AFF3: variants seen among roughly 807,000 people sequenced by gnomAD.
AFF3 encodes ALF transcription elongation factor 3.
In AFF3, 32 loss-of-function variants were observed where a neutral mutation model predicts 129.7. That is an observed-to-expected ratio of 0.25 (90% CI 0.19 to 0.33). The LOEUF (loss-of-function observed/expected upper bound fraction) is 0.33, where lower values mean the gene tolerates loss of function less well. Among genes scored for constraint, AFF3 ranks in the 10% least tolerant of loss-of-function variants. The pLI is 1.00. For synonymous variants in AFF3, 644 were observed against 635.4 expected (o/e 1.01, Z -0.20); for missense variants, 1,373 against 1,592.0 (o/e 0.86, Z 2.34).
intron 12 of AFF3, among the ~76,000 whole-genome samples, chr2:99,651,848 T>C (rs1461771224): frequency 6.6e-6 from 1 of 152,108 alleles, no homozygotes; most frequent in Admixed American, 6.6e-5. Flanking sequence ...AAAAGTCACC[T>C]CAGAACCATT....
intron 8 of AFF3, among the ~76,000 whole-genome samples, chr2:99,828,528 C>G (rs1205722653): frequency 6.6e-6 from 1 of 152,150 alleles, no homozygotes; most frequent in Non-Finnish European, 1.5e-5. Flanking sequence ...CAAGCACGAA[C>G]GTGTAGCGAG....
chr2:100,121,834 G>A (rs564480095), intron 2 of AFF3, among the ~76,000 whole-genome samples: 46 of 151,866 alleles, frequency 3.0e-4, no homozygotes, highest in Non-Finnish European at 5.2e-4. Flanking sequence ...AGGCCGAGGC[G>A]GGTGGATCAT....
chr2:99,692,764 G>A (rs1279772348), intron 11 of AFF3, among the ~76,000 whole-genome samples: 1 of 152,174 alleles, frequency 6.6e-6, no homozygotes, highest in African/African-American at 2.4e-5. Context: ...CCAGACTTCT[G>A]GACTGAGATG....
At chr2:99,849,935 C>T (rs1361786151) in intron 7 of AFF3, among the ~76,000 whole-genome samples, 3 of 152,110 alleles carry the variant, frequency 2.0e-5, no homozygotes, top group African/African-American at 7.2e-5. Flanking sequence ...TTCAGCATGT[C>T]CTATATGCTA....
intron 7 of AFF3, among the ~76,000 whole-genome samples, chr2:99,989,100 T>A (rs1453257933): frequency 1.3e-5 from 2 of 152,194 alleles, no homozygotes; most frequent in Non-Finnish European, 2.9e-5. Context: ...AAGACTCTCC[T>A]TTAACTAACA....
chr2:100,017,246 T>C (rs765783761), intron 4 of AFF3, among the ~76,000 whole-genome samples: 1 of 152,168 alleles, frequency 6.6e-6, no homozygotes, highest in Non-Finnish European at 1.5e-5. Context: ...CTCATGAATG[T>C]TCACTCTACT....
At chr2:100,060,606 A>G (rs770474129) in intron 4 of AFF3, among the ~76,000 whole-genome samples, 8 of 152,188 alleles carry the variant, frequency 5.3e-5, no homozygotes, top group Admixed American at 1.3e-4. Flanking sequence ...ATATTTAAAA[A>G]TTCTACTTAA....
At chr2:100,071,482 T>A (rs1410263960) in intron 4 of AFF3, among the ~76,000 whole-genome samples, 2 of 152,164 alleles carry the variant, frequency 1.3e-5, no homozygotes, top group Non-Finnish European at 2.9e-5. Context: ...GACTTAGATC[T>A]GAAAAACACA....
chr2:99,788,912 GC>G (rs1256568537), intron 8 of AFF3, among the ~76,000 whole-genome samples: 3 of 152,146 alleles, frequency 2.0e-5, no homozygotes, highest in Non-Finnish European at 2.9e-5. Context: ...TGGCACGATT[GC>G]CTATAGCATT....
Position 99,551,533 on chromosome 2 carries a change from G to C in AFF3, c.3622C>G (p.Leu1208Val), listed in dbSNP as rs1269559236. The C allele has an allele frequency of 6.2e-7, 1 of 1,614,076 alleles. No individual in the cohort carries two copies. The highest frequency in any genetic ancestry group is 8.5e-7 in the Non-Finnish European group (1 of 1,180,044). ...PVTLHSSMEH[L>V]VQYSQQGLHW... Reference sequence around the variant, plus strand: ...AGGCCCTGTTGGGAGTACTGGACCAGGTGCTCCATGCTGCTGTGCAGGGTG... The same window carrying C: ...AGGCCCTGTTGGGAGTACTGGACCACGTGCTCCATGCTGCTGTGCAGGGTG... Residue 1208 changes from leucine to valine, a missense_variant, in exon 25 of 25, where the codon CTG becomes GTG. By Grantham distance (32) the Leu-to-Val change is conservative. This residue lies in a region of AFF3 where 165 missense variants were observed against 234.0 expected (regional missense o/e 0.71). Coordinates refer to ENST00000672756, the MANE Select transcript of AFF3 (RefSeq NM_001386135.1).
chr2:99,612,463 A>T (rs748289664), intron 13 of AFF3, among the ~76,000 whole-genome samples: 15 of 152,264 alleles, frequency 9.9e-5, no homozygotes, highest in Admixed American at 1.3e-4. Flanking sequence ...CCAAGAATGT[A>T]CACAGCCTCG....
At chr2:99,774,805 C>T (rs1256223542) in intron 8 of AFF3, among the ~76,000 whole-genome samples, 1 of 152,136 alleles carries the variant, frequency 6.6e-6, no homozygotes, top group Non-Finnish European at 1.5e-5. Flanking sequence ...AGTAAACAGA[C>T]AACCTACAGA....
intron 11 of AFF3, among the ~76,000 whole-genome samples, chr2:99,674,392 C>T (rs1003965789): frequency 2.0e-5 from 3 of 152,304 alleles, no homozygotes; most frequent in East Asian, 1.9e-4. Context: ...CAGCACAGTG[C>T]GGCACAGAAC....
chr2:99,764,229 T>C (rs1175922139), intron 8 of AFF3, among the ~76,000 whole-genome samples: 1 of 152,172 alleles, frequency 6.6e-6, no homozygotes, highest in South Asian at 2.1e-4. Flanking sequence ...AAGCACTCCT[T>C]ATTGCAGGGA....
At chr2:99,735,216 G>C (rs1680151534) in intron 10 of AFF3, among the ~76,000 whole-genome samples, 1 of 152,064 alleles carries the variant, frequency 6.6e-6, no homozygotes, top group Non-Finnish European at 1.5e-5. Flanking sequence ...CTGCATCACA[G>C]TTTATTCCCT....
chr2:100,021,281 C>T (rs577484362), intron 4 of AFF3, among the ~76,000 whole-genome samples: 1 of 152,342 alleles, frequency 6.6e-6, no homozygotes, highest in East Asian at 1.9e-4. Flanking sequence ...ATCCTCAGCA[C>T]ATAGAAGAGT....
At chr2:99,783,491 GAAGA>G (rs1190573460) in intron 8 of AFF3, among the ~76,000 whole-genome samples, 3 of 152,374 alleles carry the variant, frequency 2.0e-5, no homozygotes, top group African/African-American at 7.2e-5. Flanking sequence ...TCTCACGAGA[GAAGA>G]AAGATGCCCT....
intron 7 of AFF3, among the ~76,000 whole-genome samples, chr2:99,937,375 G>A (rs1576384871): frequency 6.6e-6 from 1 of 151,974 alleles, no homozygotes; most frequent in African/African-American, 2.4e-5. Flanking sequence ...ACATATAAAG[G>A]CCATAGAATT....
intron 11 of AFF3, among the ~76,000 whole-genome samples, chr2:99,724,779 G>T (rs1233293173): frequency 6.6e-6 from 1 of 152,138 alleles, no homozygotes; most frequent in South Asian, 2.1e-4. Context: ...GAGGTCTCTT[G>T]AGCGGTTTCA....
Sources: allele counts gnomAD v4.1 joint callset (sites outside exome capture counted in the v4.1 genomes callset), GRCh38; gene constraint gnomAD v4.1.1; regional missense constraint gnomAD v4.1.1; transcripts MANE v1.5; gene names NCBI Gene and HGNC (gene_info 2026-07-23, HGNC 2026-07-21).